CEP112: variants seen among roughly 807,000 people sequenced by gnomAD.
CEP112 encodes the protein centrosomal protein of 112 kDa.
CEP112 carries 127 observed loss-of-function variants against 153.0 expected under a neutral mutation model. The ratio of observed to expected loss-of-function variants is 0.83; its 90% CI spans 0.72 to 0.96. The LOEUF (loss-of-function observed/expected upper bound fraction) is 0.96, where lower values mean the gene tolerates loss of function less well. Among genes scored for constraint, CEP112 ranks in the 40% least tolerant of loss-of-function variants. The pLI is 0.00. For synonymous variants in CEP112, 358 were observed against 374.4 expected, an observed-to-expected ratio of 0.96 and a Z score of 0.51; for missense variants, 1,089 against 1,101.2, an observed-to-expected ratio of 0.99 and a Z score of 0.16.
chr17:65,932,416 C>G (rs1289391600), intron 18 of CEP112, among the ~76,000 whole-genome samples: 1 of 152,040 alleles, frequency 6.6e-6, no homozygotes, highest in African/African-American at 2.4e-5. Context: ...AACAATGAAC[C>G]CTAAAAATAT....
chr17:65,797,845 C>T (rs931672806), intron 21 of CEP112, among the ~76,000 whole-genome samples: 2 of 152,188 alleles, frequency 1.3e-5, no homozygotes, highest in Non-Finnish European at 2.9e-5. Flanking sequence ...TTTTGCCTGA[C>T]AATCATATTT....
At chr17:65,990,272 C>A (rs1032616194) in intron 17 of CEP112, among the ~76,000 whole-genome samples, 1 of 152,128 alleles carries the variant, frequency 6.6e-6, no homozygotes, top group Non-Finnish European at 1.5e-5. Context: ...TTCTTCCCCT[C>A]AACAGAAACA....
chr17:65,771,291 C>T (rs936670166), intron 21 of CEP112, among the ~76,000 whole-genome samples: 9 of 151,918 alleles, frequency 5.9e-5, no homozygotes, highest in African/African-American at 2.2e-4. Flanking sequence ...TGTAGAGATA[C>T]AGAGGGGCAT....
At chr17:66,088,979 A>G (rs773163706) in intron 8 of CEP112, among the ~76,000 whole-genome samples, 1 of 152,066 alleles carries the variant, frequency 6.6e-6, no homozygotes, top group Non-Finnish European at 1.5e-5. Context: ...TGGTGGATAC[A>G]TATTTCAGGC....
At position 65,871,063 on chromosome 17, in the gene CEP112, C is replaced by T. The variant is rs114106254; in HGVS notation, c.2164-19029G>A. ...CATTTTATGAGTGTCATTCAGAACA[C>T]ACTAATTACTGTGCTAACAATGGTA... On this transcript the variant is annotated intron_variant, in intron 20 of 26. Coordinates refer to ENST00000535342, the MANE Select transcript of CEP112 (RefSeq NM_001199165.4). Among the ~76,000 whole-genome samples, 411 of 152,318 alleles carry T rather than the reference C, an allele frequency of 2.7e-3. 1 individual carries two copies. The highest frequency in any genetic ancestry group is 9.5e-3 in the African/African-American group (395 of 41,568).
chr17:66,005,806 CGAGTA>C (rs1568368209), intron 16 of CEP112, 37 bp from the exon 17 acceptor site: 11 of 1,563,390 alleles, frequency 7.0e-6, no homozygotes, highest in Non-Finnish European at 9.5e-6. Flanking sequence ...TATTGGAAGA[CGAGTA>C]AAGTTTACTT....
intron 12 of CEP112, among the ~76,000 whole-genome samples, chr17:66,035,463 T>C (rs550906388): frequency 6.6e-4 from 100 of 152,204 alleles, no homozygotes; most frequent in African/African-American, 2.1e-3. Flanking sequence ...GGTGAAGTTG[T>C]GGAGAAACTG....
intron 20 of CEP112, among the ~76,000 whole-genome samples, chr17:65,868,677 T>G (rs1270257706): frequency 6.6e-6 from 1 of 152,278 alleles, no homozygotes; most frequent in East Asian, 1.9e-4. Context: ...TTTGGATAGG[T>G]TCAACCTGTC....
intron 6 of CEP112, among the ~76,000 whole-genome samples, chr17:66,119,524 A>G (rs2069471057): frequency 6.6e-6 from 1 of 152,206 alleles, no homozygotes; most frequent in South Asian, 2.1e-4. Context: ...AATATATTTG[A>G]AATTCATCCA....
intron 21 of CEP112, among the ~76,000 whole-genome samples, chr17:65,832,875 C>A (rs1214856334): frequency 6.6e-6 from 1 of 152,056 alleles, no homozygotes; most frequent in Non-Finnish European, 1.5e-5. Flanking sequence ...CATCCTGACA[C>A]CAAAACCTGG....
chr17:66,060,763 A>C (rs984958528), intron 11 of CEP112, among the ~76,000 whole-genome samples: 8 of 152,174 alleles, frequency 5.3e-5, no homozygotes, highest in African/African-American at 1.2e-4. Flanking sequence ...ACGCAAAATG[A>C]ATTGAAAGAC....
intron 4 of CEP112, among the ~76,000 whole-genome samples, chr17:66,163,765 C>A (rs960842941): frequency 6.6e-6 from 1 of 152,120 alleles, no homozygotes; most frequent in Admixed American, 6.5e-5. Flanking sequence ...TGACTTAGAA[C>A]ACTCAATATT....
intron 17 of CEP112, among the ~76,000 whole-genome samples, chr17:65,969,904 T>C (rs1346725743): frequency 6.6e-6 from 1 of 152,212 alleles, no homozygotes; most frequent in Non-Finnish European, 1.5e-5. Flanking sequence ...GCTTAACACA[T>C]GCATATTACA....
At chr17:65,931,818 C>T (rs1416073412) in intron 18 of CEP112, among the ~76,000 whole-genome samples, 1 of 152,224 alleles carries the variant, frequency 6.6e-6, no homozygotes, top group Non-Finnish European at 1.5e-5. Flanking sequence ...GCAGTGATTG[C>T]CCCTGTCTAG....
At chr17:65,736,845 C>A (rs1276212920) in intron 23 of CEP112, among the ~76,000 whole-genome samples, 1 of 152,166 alleles carries the variant, frequency 6.6e-6, no homozygotes. Context: ...CTACCATTAA[C>A]AGGATATTCC....
chr17:65,730,966 C>A (rs2050471910), intron 23 of CEP112, among the ~76,000 whole-genome samples: 1 of 152,072 alleles, frequency 6.6e-6, no homozygotes, highest in South Asian at 2.1e-4. Context: ...GGACATCTGG[C>A]TTCACAGTGA....
At chr17:65,748,036 CAACA>C (rs1417707907) in intron 22 of CEP112, among the ~76,000 whole-genome samples, 1 of 152,026 alleles carries the variant, frequency 6.6e-6, no homozygotes, top group Admixed American at 6.6e-5. Context: ...TTAGAGATTC[CAACA>C]AACTATCACT....
intron 6 of CEP112, among the ~76,000 whole-genome samples, chr17:66,116,868 T>TC (rs2069320941): frequency 1.3e-5 from 2 of 148,498 alleles, no homozygotes; most frequent in South Asian, 4.4e-4. Flanking sequence ...ATCTCCTTTT[T>TC]TTTTTTTTTT....
chr17:66,160,734 C>T (rs1384146889), intron 4 of CEP112, among the ~76,000 whole-genome samples: 1 of 152,076 alleles, frequency 6.6e-6, no homozygotes, highest in Non-Finnish European at 1.5e-5. Flanking sequence ...ACCATAAAAA[C>T]CCTAGAAGAA....
Sources: allele counts gnomAD v4.1 joint callset (sites outside exome capture counted in the v4.1 genomes callset), GRCh38; gene constraint gnomAD v4.1.1; transcripts MANE v1.5; gene names NCBI Gene and HGNC (gene_info 2026-07-23, HGNC 2026-07-21).